The following TRPM6 variants were observed in gnomAD, a reference collection of about 807,000 sequenced individuals.
The protein encoded by TRPM6 is transient receptor potential cation channel subfamily M member 6, also known as channel kinase 2.
TRPM6 carries 111 observed loss-of-function variants against 247.6 expected under a neutral mutation model. That is an observed-to-expected ratio of 0.45 (90% CI 0.38 to 0.52). The LOEUF is 0.52. Among genes scored for constraint, TRPM6 ranks in the 20% least tolerant of loss-of-function variants. TRPM6 has a pLI of 0.00. For synonymous variants in TRPM6, 892 were observed against 853.8 expected, an observed-to-expected ratio of 1.04 and a Z score of -0.78; for missense variants, 2,126 against 2,421.5, an observed-to-expected ratio of 0.88 and a Z score of 2.56.
At chr9:74,857,491 A>G (rs1326209397) in intron 2 of TRPM6, among the ~76,000 whole-genome samples, 1 of 152,220 alleles carries the variant, frequency 6.6e-6, no homozygotes, top group South Asian at 2.1e-4. Flanking sequence ...TGTCAATCTT[A>G]ATTTCACAGA....
At chr9:74,868,232 C>T (rs769936522) in intron 1 of TRPM6, among the ~76,000 whole-genome samples, 4 of 150,950 alleles carry the variant, frequency 2.6e-5, no homozygotes, top group Non-Finnish European at 4.4e-5. Flanking sequence ...TGGTGGCTCA[C>T]GCCTGTAATC....
intron 1 of TRPM6, among the ~76,000 whole-genome samples, chr9:74,881,831 G>T: frequency 6.6e-6 from 1 of 152,114 alleles, no homozygotes; most frequent in Non-Finnish European, 1.5e-5. Flanking sequence ...AACCAAAACA[G>T]CATGCTATTG....
chr9:74,733,567 T>C (rs1825595764), intron 36 of TRPM6, among the ~76,000 whole-genome samples: 1 of 152,252 alleles, frequency 6.6e-6, no homozygotes, highest in Non-Finnish European at 1.5e-5. Flanking sequence ...TTTTACATTT[T>C]ATCCTCATTT....
chr9:74,841,678 A>G (rs980255339), intron 4 of TRPM6, among the ~76,000 whole-genome samples: 2 of 151,838 alleles, frequency 1.3e-5, no homozygotes, highest in African/African-American at 4.8e-5. Flanking sequence ...TAAATTTTGT[A>G]TTTTTTAGTA....
At chr9:74,885,786 C>A (rs1380361803) in intron 1 of TRPM6, among the ~76,000 whole-genome samples, 2 of 152,070 alleles carry the variant, frequency 1.3e-5, no homozygotes, top group Non-Finnish European at 2.9e-5. Flanking sequence ...ATTTAAAACA[C>A]AGTGAGGCCA....
chr9:74,745,970 C>A (rs557403222), intron 31 of TRPM6, among the ~76,000 whole-genome samples: 2 of 152,136 alleles, frequency 1.3e-5, no homozygotes, highest in African/African-American at 4.8e-5. Context: ...TGGCCAGGCG[C>A]GGGGGCCCAC....
At chr9:74,828,167 C>G (rs1829412149) in intron 6 of TRPM6, among the ~76,000 whole-genome samples, 1 of 151,774 alleles carries the variant, frequency 6.6e-6, no homozygotes. Context: ...GCCTTACTAA[C>G]ACGGTGAAAC....
At chr9:74,791,078 A>T (rs1179618774) in intron 19 of TRPM6, among the ~76,000 whole-genome samples, 1 of 152,226 alleles carries the variant, frequency 6.6e-6, no homozygotes, top group East Asian at 1.9e-4. Flanking sequence ...CCTGTTTCTT[A>T]AAGCTCCTGA....
At chr9:74,792,827 A>G in intron 18 of TRPM6, 57 bp from the exon 19 acceptor site, 1 of 1,497,502 alleles carries the variant, frequency 6.7e-7, no homozygotes, top group Non-Finnish European at 9.3e-7. Flanking sequence ...AATAGTGACA[A>G]GCATGAACAT....
At chr9:74,755,608 G>A in intron 27 of TRPM6, 135 bp from the exon 28 acceptor site, 2 of 1,119,638 alleles carry the variant, frequency 1.8e-6, no homozygotes, top group Non-Finnish European at 2.7e-6. Flanking sequence ...GGGAAGTGCT[G>A]ACAAATCCCA....
In TRPM6 at chr9:74,724,650, G is replaced by A. The variant is rs150039342; in HGVS notation, c.6032C>T (p.Thr2011Met). 5.9e-5 allele frequency: 96 copies of A among 1,614,094 alleles called. 1 individual carries two copies. The highest frequency in any genetic ancestry group is 3.6e-4 in the East Asian group (16 of 44,880). ...ATCATCTTCTGGGGAATTTCTACCC[G>A]TCTCCCTTGCTGGAGGCTCCTCAGC... is the stretch of plus-strand genomic sequence containing the variant. The part of the protein sequence containing the change: ...ESAEEPPARE[T>M]GRNSPEDDMQ... Residue 2011 changes from threonine (T) to methionine (M), a missense_variant, in exon 39 of 39, where the codon ACG (threonine) becomes ATG (methionine). By Grantham distance (81) the Thr-to-Met change is moderately conservative. This residue lies in a region of TRPM6 where 327 missense variants were observed against 397.7 expected (regional missense o/e 0.82). Coordinates refer to ENST00000360774, the MANE Select transcript of TRPM6 (RefSeq NM_017662.5).
chr9:74,812,562 T>TAA, intron 11 of TRPM6, 129 bp from the exon 12 acceptor site: 1 of 873,366 alleles, frequency 1.1e-6, no homozygotes, highest in Non-Finnish European at 1.7e-6. Flanking sequence ...CATCAGTGGG[T>TAA]ACAGAAAAAA....
In TRPM6 at chr9:74,796,734, C is replaced by T. The variant is rs1323403953; in HGVS notation, c.2391+7G>A. On this transcript the variant is annotated splice_region_variant and intron_variant, in intron 18 of 38. Transcript: ENST00000360774. ...GAAAATTCAGTTCATTATGATTTTG[C>T]ACTAACCACAGAAGCACTTTCTTTG... 1.2e-6 allele frequency: 2 copies of T among 1,613,680 alleles called. No individual in the cohort carries two copies. Among genetic ancestry groups the T allele is most frequent in the African/African-American group, 2.7e-5 (2 of 74,904 alleles).
At chr9:74,845,568 C>A (rs373094237) in intron 3 of TRPM6, among the ~76,000 whole-genome samples, 9 of 152,168 alleles carry the variant, frequency 5.9e-5, no homozygotes, top group African/African-American at 2.2e-4. Flanking sequence ...TAGTGGCTCA[C>A]GCCCGTAATT....
At chr9:74,840,827 T>TAAAA (rs1564041852) in intron 4 of TRPM6, among the ~76,000 whole-genome samples, 5 of 62,148 alleles carry the variant, frequency 8.0e-5, no homozygotes, top group Non-Finnish European at 5.9e-5. Context: ...GGACTCTGTC[T>TAAAA]CAAAAAAAAA....
chr9:74,753,571 C>T (rs1826335223), intron 28 of TRPM6, among the ~76,000 whole-genome samples: 1 of 151,952 alleles, frequency 6.6e-6, no homozygotes, highest in South Asian at 2.1e-4. Context: ...GTGGCACATG[C>T]TATAGTCCCA....
At chr9:74,728,198 G>T in intron 38 of TRPM6, 41 bp downstream of exon 38, 1 of 1,374,178 alleles carries the variant, frequency 7.3e-7, no homozygotes. Flanking sequence ...GTTGTTCTAT[G>T]AGAGATTTAC....
At chr9:74,778,790 C>T (rs954293899) in intron 23 of TRPM6, among the ~76,000 whole-genome samples, 3 of 152,174 alleles carry the variant, frequency 2.0e-5, no homozygotes, top group African/African-American at 7.2e-5. Context: ...GGGCCTCTGC[C>T]CAGCTGCCTG....
At chr9:74,866,064 G>A (rs912043788) in intron 1 of TRPM6, among the ~76,000 whole-genome samples, 5 of 152,196 alleles carry the variant, frequency 3.3e-5, no homozygotes, top group Non-Finnish European at 7.3e-5. Flanking sequence ...ACTTTGGGAG[G>A]CCATGGCTAG....
Sources: allele counts gnomAD v4.1 joint callset (sites outside exome capture counted in the v4.1 genomes callset), GRCh38; gene constraint gnomAD v4.1.1; regional missense constraint gnomAD v4.1.1; transcripts MANE v1.5; gene names NCBI Gene and HGNC (gene_info 2026-07-23, HGNC 2026-07-21).